The following SLC13A2 variants were observed in gnomAD, a reference collection of about 807,000 sequenced individuals.
The protein encoded by SLC13A2 is solute carrier family 13 member 2.
A neutral mutation model predicts 58.5 loss-of-function variants in SLC13A2; 40 were observed. The observed-to-expected ratio is 0.68, with a 90% CI of 0.53 to 0.89. The LOEUF (loss-of-function observed/expected upper bound fraction) is 0.89. SLC13A2 is among the 40% of genes least tolerant of loss of function. The pLI, the probability that SLC13A2 is intolerant of heterozygous loss-of-function variation, is 0.00. For synonymous variants in SLC13A2, 341 were observed against 331.6 expected (o/e 1.03, Z -0.31); for missense variants, 694 against 772.6 (o/e 0.90, Z 1.21).
intron 1 of SLC13A2, among the ~76,000 whole-genome samples, chr17:28,477,355 G>A (rs1052861283): frequency 1.3e-4 from 19 of 151,032 alleles, no homozygotes; most frequent in East Asian, 6.1e-4. Flanking sequence ...CACCACGCCC[G>A]GCTAATTTTT....
chr17:28,491,162 C>T (rs2069010423), intron 4 of SLC13A2, among the ~76,000 whole-genome samples: 1 of 152,202 alleles, frequency 6.6e-6, no homozygotes. Context: ...GGTGAACAGT[C>T]CAAGGTCTAG....
At chr17:28,477,204 T>G (rs1277604361) in intron 1 of SLC13A2, among the ~76,000 whole-genome samples, 1 of 144,988 alleles carries the variant, frequency 6.9e-6, no homozygotes, top group African/African-American at 2.6e-5. Context: ...TTTTTTTTTT[T>G]TTTTTTTGAG....
Position 28,494,534 on chromosome 17 carries a change from C to T in SLC13A2, c.1308+22C>T. ...TGAGGTGAGAGGCCCCCAGCCCCCTCCTCAGCCTGTGTGAGGGTGTCTCTG... is the reference window on the plus strand; with the variant it reads ...TGAGGTGAGAGGCCCCCAGCCCCCTTCTCAGCCTGTGTGAGGGTGTCTCTG... On this transcript the variant is annotated intron_variant, in intron 9 of 11. Coordinates refer to ENST00000314669, the MANE Select transcript of SLC13A2 (RefSeq NM_003984.4). This position sits in a 1 kb window ranked among gnomAD's most constrained non-coding sequence, Gnocchi z 4.0. 1.2e-6 allele frequency: 2 copies of T among 1,613,636 alleles called. No individual in the cohort carries two copies.
chr17:28,495,845 C>T (rs782167775), intron 10 of SLC13A2, 29 bp downstream of exon 10: 54 of 1,601,546 alleles, frequency 3.4e-5, no homozygotes, highest in Non-Finnish European at 4.3e-5. Flanking sequence ...ACACCTCCTC[C>T]AGGCAGCCCG....
rs1567858968 is a variant in SLC13A2 at position 28,493,808 on chromosome 17, G to T, written c.1097+19G>T. On this transcript the variant is annotated intron_variant, in intron 7 of 11. Transcript: ENST00000314669. ...GGGAGAGGTGAGAGTTGCAGGGGTT[G>T]GGAGGAGGACACATCTGGGGCTCAC... The T allele has an allele frequency of 1.9e-6, 3 of 1,613,592 alleles. No individual in the cohort carries two copies. In the South Asian group the frequency reaches 3.3e-5, roughly 18 times the overall value.
At chr17:28,495,243 C>T (rs1405420382) in intron 9 of SLC13A2, among the ~76,000 whole-genome samples, 3 of 152,202 alleles carry the variant, frequency 2.0e-5, no homozygotes, top group Non-Finnish European at 2.9e-5. Context: ...TCAGGGTCCT[C>T]CCCCAACTTT....
chr17:28,491,407 GC>G, intron 4 of SLC13A2, 29 bp from the exon 5 acceptor site: 1 of 1,610,632 alleles, frequency 6.2e-7, no homozygotes. Context: ...CCCTGTACCT[GC>G]CCCCACCTGG....
At position 28,494,307 on chromosome 17, in the gene SLC13A2, G is replaced by T; in HGVS notation, c.1187-84G>T. On this transcript the variant is annotated intron_variant, in intron 8 of 11. Transcript: ENST00000314669. This position sits in a 1 kb window ranked among gnomAD's most constrained non-coding sequence, Gnocchi z 4.0. ...TCCTGCACGCGTTAAGCTCCAAAAG[G>T]GACCCACACAGGGAGCCCGCAAATG... 1.9e-6 allele frequency: 3 copies of T among 1,611,956 alleles called. No individual in the cohort carries two copies. Among genetic ancestry groups the T allele is most frequent in the Non-Finnish European group, 2.5e-6 (3 of 1,178,482 alleles).
At chr17:28,492,228 G>T (rs1298914221) in intron 6 of SLC13A2, among the ~76,000 whole-genome samples, 1 of 152,232 alleles carries the variant, frequency 6.6e-6, no homozygotes, top group Non-Finnish European at 1.5e-5. Context: ...ATACTGGGTT[G>T]TGTGTAAGGC....
chr17:28,493,596 G>C lies in SLC13A2; in HGVS notation c.904G>C (p.Glu302Gln), dbSNP rs782337881. ...CTTCCGGAAGAACTTTGGCATTGGG[G>C]AAAAGATGCAGGAGCAACAGCAGGC... The part of the protein sequence containing the change: ...FNFRKNFGIG[E>Q]KMQEQQQAAY... The change falls in exon 7 of 12, where the codon GAA (glutamate) becomes CAA (glutamine). Residue 302 changes from glutamate to glutamine, a missense_variant. By Grantham distance (29) the Glu-to-Gln change is conservative. Coordinates refer to ENST00000314669, the MANE Select transcript of SLC13A2 (RefSeq NM_003984.4). The C allele has an allele frequency of 1.4e-5, 22 of 1,607,360 alleles. No individual in the cohort carries two copies. The Admixed American group carries it at 3.7e-4, about 27-fold the overall frequency.
rs978796456 is a variant in SLC13A2 at position 28,494,231 on chromosome 17, G to C, written c.1186+126G>C. 6.7e-7 allele frequency: 1 copy of C among 1,488,954 alleles called. No homozygotes were observed. The highest frequency in any genetic ancestry group is 9.3e-7 in the Non-Finnish European group (1 of 1,075,594). 92.2% of individuals were successfully genotyped at this position (1,488,954 alleles called of 1,614,324 possible). On this transcript the variant is annotated intron_variant, in intron 8 of 11. Coordinates refer to ENST00000314669, the MANE Select transcript of SLC13A2 (RefSeq NM_003984.4). The surrounding 1 kb of genome is among the most constrained non-coding windows in gnomAD (Gnocchi z 4.0). ...AGAAAGGCTGGAGCGACTTGCCAAGGGCACAGGGACTCGGAGACAAAGTTG... is the reference window on the plus strand; with the variant it reads ...AGAAAGGCTGGAGCGACTTGCCAAGCGCACAGGGACTCGGAGACAAAGTTG...
chr17:28,493,661 C>G lies in SLC13A2; in HGVS notation c.969C>G (p.Gly323=), dbSNP rs1555603979. 2 of 1,614,122 alleles carry G rather than the reference C, an allele frequency of 1.2e-6. No individual in the cohort carries two copies. The highest frequency in any genetic ancestry group is 2.7e-5 in the African/African-American group (2 of 74,942). Residue 323 remains glycine, a synonymous_variant, in exon 7 of 12, where the codon GGC becomes GGG. Transcript: ENST00000314669. ...CVIQTEHRLL[G]PMTFAEKAIS... ...TCCAGACCGAGCACAGGCTGCTGGG[C>G]CCCATGACCTTTGCAGAAAAGGCCA...
At chr17:28,480,712 C>T (rs992826980) in intron 1 of SLC13A2, among the ~76,000 whole-genome samples, 1 of 152,186 alleles carries the variant, frequency 6.6e-6, no homozygotes, top group Non-Finnish European at 1.5e-5. Context: ...TCGCCCTCTG[C>T]CTCTTATCTG....
At chr17:28,480,144 ACT>A (rs1405469289) in intron 1 of SLC13A2, among the ~76,000 whole-genome samples, 2 of 140,732 alleles carry the variant, frequency 1.4e-5, no homozygotes, top group African/African-American at 5.4e-5. Flanking sequence ...GCAGAGTGAG[ACT>A]CTGTCTCAAA....
intron 1 of SLC13A2, among the ~76,000 whole-genome samples, chr17:28,474,275 A>T (rs1567841026): frequency 6.6e-6 from 1 of 152,054 alleles, no homozygotes; most frequent in Non-Finnish European, 1.5e-5. Flanking sequence ...TAAGAGCATA[A>T]ACAGGAAGAG....
Position 28,494,093 on chromosome 17 carries a change from A to T in SLC13A2, c.1174A>T (p.Thr392Ser). Residue 392 changes from threonine to serine, a missense_variant, in exon 8 of 12, where the codon ACC (threonine) becomes TCC (serine). Coordinates refer to ENST00000314669, the MANE Select transcript of SLC13A2 (RefSeq NM_003984.4). This position sits in a 1 kb window ranked among gnomAD's most constrained non-coding sequence, Gnocchi z 4.0. ...CATACCCTCCAAGTTCCCAGGGCTG[A>T]CCCAGGACCCAGGTAAGCACCTGGA... is the stretch of plus-strand genomic sequence containing the variant. Reference protein sequence around the residue: ...FIIPSKFPGLTQDPENPGKLK... With the variant: ...FIIPSKFPGLSQDPENPGKLK... The T allele has an allele frequency of 6.2e-7, 1 of 1,614,012 alleles. No individual in the cohort carries two copies. The highest frequency in any genetic ancestry group is 1.1e-5 in the South Asian group (1 of 91,074).
Position 28,494,421 on chromosome 17 carries a change from G to T in SLC13A2, c.1217G>T (p.Gly406Val). ...CCAGGGAAGCTGAAGGCCCCTCTTG[G>T]CCTCCTCGACTGGAAGACGGTGAAC... Reference protein sequence around the residue: ...ENPGKLKAPLGLLDWKTVNQK... With the variant: ...ENPGKLKAPLVLLDWKTVNQK... The change falls in exon 9 of 12, where the codon GGC (glycine) becomes GTC (valine). Residue 406 changes from glycine to valine, a missense_variant. By Grantham distance (109) the Gly-to-Val change is moderately radical. Transcript: ENST00000314669. This position sits in a 1 kb window ranked among gnomAD's most constrained non-coding sequence, Gnocchi z 4.0. 6.2e-7 allele frequency: 1 copy of T among 1,614,162 alleles called. No individual in the cohort carries two copies. Among genetic ancestry groups the T allele is most frequent in the Non-Finnish European group, 8.5e-7 (1 of 1,180,026 alleles).
At position 28,497,234 on chromosome 17, in the gene SLC13A2, C is replaced by T. The variant is rs781877494; in HGVS notation, c.1744C>T (p.Pro582Ser). The change falls in exon 12 of 12, where the codon CCA becomes TCA. Residue 582 changes from proline (P) to serine (S), a missense_variant. Coordinates refer to ENST00000314669, the MANE Select transcript of SLC13A2 (RefSeq NM_003984.4). ...AQSNTTAQCL[P>S]SLANTTTPSP ...GTCCAACACCACAGCCCAGTGCCTG[C>T]CAAGCCTGGCCAACACCACCACACC... 6.2e-7 allele frequency: 1 copy of T among 1,613,972 alleles called. No homozygotes were observed. Among genetic ancestry groups the T allele is most frequent in the African/African-American group, 1.3e-5 (1 of 74,942 alleles).
rs1555599371 is a variant in SLC13A2 at position 28,473,735 on chromosome 17, T to C, written c.23T>C (p.Leu8Pro). The change falls in exon 1 of 12, where the codon CTG (leucine) becomes CCG (proline). Residue 8 changes from leucine (L) to proline (P), a missense_variant. By Grantham distance (98) the Leu-to-Pro change is moderately conservative (BLOSUM62 -3). Transcript: ENST00000314669. ...ACCATGGCCACCTGCTGGCAGGCCC[T>C]GTGGGCCTATCGCTCCTACCTGATC... MATCWQA[L>P]WAYRSYLIVF... 1 of 1,614,052 alleles carries C rather than the reference T, an allele frequency of 6.2e-7. No homozygotes were observed. Among genetic ancestry groups the C allele is most frequent in the South Asian group, 1.1e-5 (1 of 91,074 alleles).
Sources: allele counts gnomAD v4.1 joint callset (sites outside exome capture counted in the v4.1 genomes callset), GRCh38; gene constraint gnomAD v4.1.1; non-coding constraint Gnocchi (gnomAD v3.1); transcripts MANE v1.5; gene names NCBI Gene and HGNC (gene_info 2026-07-23, HGNC 2026-07-21).